The following MME variants were observed in gnomAD, a reference collection of about 807,000 sequenced individuals.
MME encodes neprilysin.
A neutral mutation model predicts 113.2 loss-of-function variants in MME; 98 were observed. That is an observed-to-expected ratio of 0.87 (90% confidence interval 0.74 to 1.02). The LOEUF (loss-of-function observed/expected upper bound fraction) is 1.02. Ranked by LOEUF, MME falls within the 50% of genes least tolerant of loss-of-function variation. The probability of loss-of-function intolerance (pLI) is 0.00; values close to 1 mark genes in which losing one functional copy is unlikely to be tolerated. For synonymous variants in MME, 292 were observed against 300.6 expected (o/e 0.97, Z 0.30); for missense variants, 836 against 896.0 (o/e 0.93, Z 0.86).
chr3:155,064,456 G>C (rs562675617), intron 1 of MME, among the ~76,000 whole-genome samples: 2 of 152,240 alleles, frequency 1.3e-5, no homozygotes, highest in East Asian at 3.9e-4. Context: ...AGGAAAAAAG[G>C]TTTGTTTCAT....
chr3:155,066,031 G>A (rs181688429), intron 1 of MME, among the ~76,000 whole-genome samples: 10 of 152,300 alleles, frequency 6.6e-5, no homozygotes, highest in Non-Finnish European at 1.0e-4. Flanking sequence ...TTAGCAGAGC[G>A]AAGGGCTATT....
At chr3:155,115,236 C>T in intron 4 of MME, 81 bp downstream of exon 4, 3 of 1,516,416 alleles carry the variant, frequency 2.0e-6, no homozygotes, top group Non-Finnish European at 2.7e-6. Context: ...TTAGCCATTA[C>T]AAGGAATGTC....
At chr3:155,110,063 A>G (rs1199177583) in intron 3 of MME, among the ~76,000 whole-genome samples, 3 of 152,244 alleles carry the variant, frequency 2.0e-5, no homozygotes, top group Admixed American at 6.5e-5. Context: ...ATTGTTGGTG[A>G]TAAGTCCGAC....
chr3:155,116,641 T>A, intron 5 of MME, 23 bp from the exon 6 acceptor site: 13 of 1,596,940 alleles, frequency 8.1e-6, no homozygotes, highest in Non-Finnish European at 1.0e-5. Flanking sequence ...TCTAATTGAA[T>A]TTATGTTTGT....
intron 10 of MME, among the ~76,000 whole-genome samples, chr3:155,141,684 A>G (rs1180358583): frequency 5.9e-5 from 9 of 152,160 alleles, no homozygotes; most frequent in Admixed American, 5.9e-4. Flanking sequence ...TTTATTTTTA[A>G]ATTTAAATTT....
upstream of MME, among the ~76,000 whole-genome samples, chr3:155,078,547 C>T (rs2108150727): frequency 6.6e-6 from 1 of 152,090 alleles, no homozygotes; most frequent in South Asian, 2.1e-4. Flanking sequence ...AATTTTTTAG[C>T]ACAAGGGGAC....
intron 1 of MME, among the ~76,000 whole-genome samples, chr3:155,025,995 A>G (rs1214832974): frequency 1.3e-5 from 2 of 152,046 alleles, no homozygotes; most frequent in Non-Finnish European, 2.9e-5. Context: ...TTAGCAAACC[A>G]TAGAAATATT....
chr3:155,154,510 C>A (rs922315911), intron 16 of MME, among the ~76,000 whole-genome samples: 3 of 152,136 alleles, frequency 2.0e-5, no homozygotes, highest in Non-Finnish European at 4.4e-5. Flanking sequence ...TTCTTTCTGG[C>A]ACTAAAATTC....
At chr3:155,097,965 A>T (rs980184483) in intron 3 of MME, among the ~76,000 whole-genome samples, 9 of 152,226 alleles carry the variant, frequency 5.9e-5, no homozygotes, top group African/African-American at 1.7e-4. Context: ...AGATATTGTC[A>T]GCACTGTTTT....
intron 8 of MME, among the ~76,000 whole-genome samples, chr3:155,137,345 A>G (rs1003260051): frequency 2.0e-5 from 3 of 152,196 alleles, no homozygotes; most frequent in African/African-American, 7.2e-5. Context: ...ATTATATTAT[A>G]TGAGTTTGTG....
chr3:155,097,116 G>A (rs528420476), intron 3 of MME, among the ~76,000 whole-genome samples: 1 of 152,272 alleles, frequency 6.6e-6, no homozygotes, highest in East Asian at 1.9e-4. Context: ...AGAGCTTATT[G>A]GGTAATAGGC....
intron 16 of MME, among the ~76,000 whole-genome samples, chr3:155,157,132 T>A (rs1438044149): frequency 6.6e-6 from 1 of 152,146 alleles, no homozygotes. Context: ...ATACTGCTTC[T>A]AGTGGCCCCT....
At chr3:155,079,115 A>G (rs778752955), upstream of MME, among the ~76,000 whole-genome samples, 23 of 152,232 alleles carry the variant, frequency 1.5e-4, no homozygotes, top group Non-Finnish European at 2.2e-4. Context: ...TACTTCGACC[A>G]AGGAAAAGAA....
intron 10 of MME, among the ~76,000 whole-genome samples, chr3:155,141,062 C>G (rs1353944114): frequency 6.6e-6 from 1 of 152,120 alleles, no homozygotes; most frequent in African/African-American, 2.4e-5. Context: ...CATTTATTCT[C>G]GTGTATTAGT....
chr3:155,054,930 C>T (rs1713877087), intron 1 of MME, among the ~76,000 whole-genome samples: 1 of 152,156 alleles, frequency 6.6e-6, no homozygotes, highest in Non-Finnish European at 1.5e-5. Flanking sequence ...ACTGAGTTTC[C>T]AAGGATCTAG....
chr3:155,079,099 T>G (rs1714890638), upstream of MME, among the ~76,000 whole-genome samples: 1 of 151,734 alleles, frequency 6.6e-6, no homozygotes, highest in Non-Finnish European at 1.5e-5. Context: ...GATCTTGACA[T>G]GAGAGTACTT....
intron 1 of MME, 44 bp from the exon 2 acceptor site, chr3:155,084,114 T>C: frequency 1.4e-6 from 2 of 1,466,876 alleles, no homozygotes; most frequent in Non-Finnish European, 9.5e-7. Flanking sequence ...CATTTTCTTT[T>C]TTATTTATTT....
chr3:155,167,717 A>G (rs1711507101), intron 18 of MME, among the ~76,000 whole-genome samples: 1 of 152,212 alleles, frequency 6.6e-6, no homozygotes, highest in Non-Finnish European at 1.5e-5. Flanking sequence ...TAGAATTCTT[A>G]AAAAGACTTA....
chr3:155,133,804 A>G (rs1720400324), intron 8 of MME, among the ~76,000 whole-genome samples: 1 of 147,056 alleles, frequency 6.8e-6, no homozygotes, highest in Non-Finnish European at 1.5e-5. Flanking sequence ...ATATTTTCCA[A>G]TATCAATTTT....
Sources: allele counts gnomAD v4.1 joint callset (sites outside exome capture counted in the v4.1 genomes callset), GRCh38; gene constraint gnomAD v4.1.1; transcripts MANE v1.5; gene names NCBI Gene and HGNC (gene_info 2026-07-23, HGNC 2026-07-21).